Variants in OLFML2A observed in about 807,000 individuals in gnomAD.
The protein encoded by OLFML2A is olfactomedin like 2A.
A neutral mutation model predicts 60.9 loss-of-function variants in OLFML2A; 47 were observed. That is an observed-to-expected ratio of 0.77 (90% CI 0.61 to 0.98). The LOEUF (loss-of-function observed/expected upper bound fraction) is 0.98, where lower values mean the gene tolerates loss of function less well. Among genes scored for constraint, OLFML2A ranks in the 50% least tolerant of loss-of-function variants. The pLI, the probability that OLFML2A is intolerant of heterozygous loss-of-function variation, is 0.00. For missense variants in OLFML2A, 922 were observed against 879.8 expected (o/e 1.05, Z -0.61); for synonymous variants, 372 against 375.0 (o/e 0.99, Z 0.09).
chr9:124,782,221 G>A (rs1773691260), intron 1 of OLFML2A, among the ~76,000 whole-genome samples: 1 of 152,156 alleles, frequency 6.6e-6, no homozygotes, highest in African/African-American at 2.4e-5. Context: ...GCCATGAGAG[G>A]GGCAACATGT....
Position 124,804,106 on chromosome 9 carries a change from A to G in OLFML2A, c.932A>G (p.Gln311Arg), listed in dbSNP as rs753305858. The part of the protein sequence containing the change: ...VTEAVADNTL[Q>R]GTSWLEQLPP... ...CTTCTCTCTGCAGACAACACCCTCC[A>G]GGGCACTTCCTGGCTGGAGCAACTG... is the stretch of plus-strand genomic sequence containing the variant. The change falls in exon 6 of 8, where the codon CAG (glutamine) becomes CGG (arginine). Residue 311 changes from glutamine to arginine, a missense_variant. Physicochemically the swap from Gln to Arg is conservative, Grantham distance 43. Coordinates refer to ENST00000373580, the MANE Select transcript of OLFML2A (RefSeq NM_182487.4). 3 of 1,614,132 alleles carry G rather than the reference A, an allele frequency of 1.9e-6. No individual in the cohort carries two copies. Among genetic ancestry groups the G allele is most frequent in the Non-Finnish European group, 2.5e-6 (3 of 1,179,992 alleles).
At chr9:124,790,347 G>A (rs57736988) in intron 2 of OLFML2A, among the ~76,000 whole-genome samples, 1 of 150,784 alleles carries the variant, frequency 6.6e-6, no homozygotes, top group Non-Finnish European at 1.5e-5. Flanking sequence ...TTTTTTTTTT[G>A]TATTTTTAGT....
Position 124,809,981 on chromosome 9 carries a change from AC to A in OLFML2A, c.1530del (p.Thr511HisfsTer37), listed in dbSNP as rs1841973054. ...ALLPDVVYEDTTPWKWRGHSD... is the reference protein window; with the variant it reads ...ALLPDVVYEDXTPWKWRGHSD... Reference sequence around the variant, plus strand: ...GCTGCCCGACGTGGTATATGAGGACACCACACCTTGGAAGTGGCGCGGACAC... The same window carrying A: ...GCTGCCCGACGTGGTATATGAGGACACACACCTTGGAAGTGGCGCGGACAC... On this transcript the variant is annotated frameshift_variant, in exon 8 of 8. Transcript: ENST00000373580. LOFTEE classifies it high-confidence loss of function. 6.2e-7 allele frequency: 1 copy of A among 1,613,982 alleles called. No individual in the cohort carries two copies. The highest frequency in any genetic ancestry group is 1.3e-5 in the African/African-American group (1 of 74,918).
At chr9:124,808,017 AG>A (rs989875050) in intron 7 of OLFML2A, 51 bp downstream of exon 7, 11 of 1,429,236 alleles carry the variant, frequency 7.7e-6, no homozygotes, top group African/African-American at 1.4e-5. Context: ...CAACCTGGGG[AG>A]GGGTCCTCAT....
chr9:124,810,484 C>T lies in OLFML2A; in HGVS notation c.*72C>T, dbSNP rs1841991968. On this transcript the variant is annotated 3_prime_UTR_variant, in exon 8 of 8. Transcript: ENST00000373580. ...TTTGCACAGCAGCTCCTGCAACTGA[C>T]CCAGTCCGCAAATATTTATTGGGGG... 1.4e-6 allele frequency: 2 copies of T among 1,430,294 alleles called. No individual in the cohort carries two copies. The highest frequency in any genetic ancestry group is 1.4e-5 in the African/African-American group (1 of 70,360). The allele number at this position is 1,430,294 out of a possible 1,614,324, so 88.6% of individuals were successfully genotyped here.
intron 3 of OLFML2A, among the ~76,000 whole-genome samples, chr9:124,795,784 CT>C (rs1485339956): frequency 2.0e-5 from 3 of 152,108 alleles, no homozygotes; most frequent in Non-Finnish European, 4.4e-5. Flanking sequence ...AATAAGATAC[CT>C]TGTCGGAGTG....
chr9:124,800,972 T>C, intron 4 of OLFML2A: 2 of 1,547,306 alleles, frequency 1.3e-6, no homozygotes, highest in Non-Finnish European at 1.7e-6. Flanking sequence ...CTAGGAATGT[T>C]CCAGGCACTC....
chr9:124,803,372 C>T (rs1193456769), intron 5 of OLFML2A, among the ~76,000 whole-genome samples: 1 of 152,124 alleles, frequency 6.6e-6, no homozygotes, highest in Non-Finnish European at 1.5e-5. Context: ...AAGTGATCTT[C>T]CCTCCTCAGC....
intron 1 of OLFML2A, among the ~76,000 whole-genome samples, chr9:124,782,703 C>A (rs1181543861): frequency 6.6e-6 from 1 of 152,184 alleles, no homozygotes; most frequent in African/African-American, 2.4e-5. Context: ...GGAGCAGAGG[C>A]CTTATTCCAA....
intron 2 of OLFML2A, among the ~76,000 whole-genome samples, chr9:124,787,848 C>T (rs996707746): frequency 3.3e-5 from 5 of 151,832 alleles, no homozygotes; most frequent in East Asian, 1.9e-4. Flanking sequence ...CATGAGCCAC[C>T]GTGCCCGGCC....
At chr9:124,809,582 G>A (rs548888902) in intron 7 of OLFML2A, among the ~76,000 whole-genome samples, 2 of 152,082 alleles carry the variant, frequency 1.3e-5, no homozygotes, top group South Asian at 2.1e-4. Flanking sequence ...AGAGCTGGGC[G>A]ACCTTGATCC....
At chr9:124,803,741 C>T (rs2131273298) in intron 5 of OLFML2A, among the ~76,000 whole-genome samples, 1 of 152,332 alleles carries the variant, frequency 6.6e-6, no homozygotes, top group Middle Eastern at 3.4e-3. Flanking sequence ...AAGGGATCTC[C>T]TTTTTGGTAC....
chr9:124,793,947 G>A (rs1007818700), intron 2 of OLFML2A, among the ~76,000 whole-genome samples: 4 of 152,218 alleles, frequency 2.6e-5, no homozygotes, highest in Non-Finnish European at 5.9e-5. Context: ...GCTGAGGTGG[G>A]AGGATTGCTT....
intron 2 of OLFML2A, among the ~76,000 whole-genome samples, 167 bp from the exon 3 acceptor site, chr9:124,794,857 G>A (rs1588883544): frequency 2.0e-5 from 3 of 152,042 alleles, no homozygotes. Flanking sequence ...TCTGACCTCA[G>A]GTGATCCACC....
At chr9:124,807,251 T>C (rs1399563659) in intron 6 of OLFML2A, among the ~76,000 whole-genome samples, 2 of 151,538 alleles carry the variant, frequency 1.3e-5, no homozygotes, top group African/African-American at 2.4e-5. Context: ...ATTCCACATA[T>C]AATGAATAAT....
chr9:124,809,412 G>A (rs1841958625), intron 7 of OLFML2A, among the ~76,000 whole-genome samples: 1 of 152,038 alleles, frequency 6.6e-6, no homozygotes, highest in Admixed American at 6.6e-5. Context: ...TTTCCTAGAG[G>A]AGGTGACATT....
At chr9:124,794,123 G>C (rs1841620010) in intron 2 of OLFML2A, among the ~76,000 whole-genome samples, 1 of 152,224 alleles carries the variant, frequency 6.6e-6, no homozygotes, top group South Asian at 2.1e-4. Flanking sequence ...ATCCAAGTGA[G>C]GGTGTGGTCT....
At chr9:124,796,451 C>T (rs1383619029) in intron 3 of OLFML2A, among the ~76,000 whole-genome samples, 1 of 152,234 alleles carries the variant, frequency 6.6e-6, no homozygotes, top group Non-Finnish European at 1.5e-5. Context: ...GGTATATCAG[C>T]TAGGCCTGGA....
At chr9:124,785,116 C>A (rs1269994783) in intron 1 of OLFML2A, among the ~76,000 whole-genome samples, 1 of 150,960 alleles carries the variant, frequency 6.6e-6, no homozygotes, top group African/African-American at 2.4e-5. Flanking sequence ...ACCATGCCCA[C>A]CTAATTTTTG....
Sources: allele counts gnomAD v4.1 joint callset (sites outside exome capture counted in the v4.1 genomes callset), GRCh38; gene constraint gnomAD v4.1.1; transcripts MANE v1.5; gene names NCBI Gene and HGNC (gene_info 2026-07-23, HGNC 2026-07-21).